The following EPHA2 variants were observed in gnomAD, a reference collection of about 807,000 sequenced individuals.
EPHA2 encodes the protein EPH receptor A2, also known as ephrin type-A receptor 2.
EPHA2 carries 54 observed loss-of-function variants against 104.9 expected under a neutral mutation model. The ratio of observed to expected loss-of-function variants is 0.51; its 90% CI spans 0.41 to 0.65. The LOEUF (loss-of-function observed/expected upper bound fraction) is 0.65. Among genes scored for constraint, EPHA2 ranks in the 30% least tolerant of loss-of-function variants. The pLI is 0.00. For missense variants in EPHA2, 1,117 were observed against 1,369.5 expected, an observed-to-expected ratio of 0.82 and a Z score of 2.91; for synonymous variants, 560 against 559.1, an observed-to-expected ratio of 1.00 and a Z score of -0.02.
chr1:16,127,657 A>G (rs754513448), intron 16 of EPHA2, among the ~76,000 whole-genome samples: 3 of 152,190 alleles, frequency 2.0e-5, no homozygotes, highest in Non-Finnish European at 4.4e-5. Flanking sequence ...AAGTCCTTTG[A>G]GATCCCCATT....
chr1:16,135,085 C>T lies in EPHA2; in HGVS notation c.1533G>A (p.Thr511=), dbSNP rs550085875. The T allele has an allele frequency of 1.0e-4, 162 of 1,613,804 alleles. No individual in the cohort carries two copies. The highest frequency in any genetic ancestry group is 1.8e-4 in the Admixed American group (11 of 60,030). The change falls in exon 7 of 17, where the codon ACG becomes ACA. Residue 511 remains threonine, a synonymous_variant. Transcript: ENST00000358432. This position sits in a 1 kb window ranked among gnomAD's most constrained non-coding sequence, Gnocchi z 4.3. ...TGCTGCCGGCCCCCTGGCCCTCCTG[C>T]GTCAGTGCCTGCACCTGGACCAGGT... ...TTYLVQVQAL[T]QEGQGAGSKV... is the part of the protein sequence containing the mutation.
At chr1:16,155,803 C>T in intron 1 of EPHA2, 45 bp downstream of exon 1, 1 of 1,336,238 alleles carries the variant, frequency 7.5e-7, no homozygotes, top group Non-Finnish European at 9.6e-7. Context: ...CTCTAGGGGG[C>T]ACTGGGGCCC....
intron 15 of EPHA2, 80 bp from the exon 16 acceptor site, chr1:16,129,669 G>A (rs2024538232): frequency 2.7e-6 from 4 of 1,507,886 alleles, no homozygotes; most frequent in Admixed American, 2.0e-5. Flanking sequence ...CCCTAACCTG[G>A]ATGATTGACT....
At chr1:16,143,017 G>GGATAGA (rs1557511837) in intron 3 of EPHA2, among the ~76,000 whole-genome samples, 1 of 54,744 alleles carries the variant, frequency 1.8e-5, no homozygotes, top group Non-Finnish European at 4.1e-5. Context: ...GGATGGATGG[G>GGATAGA]TGGATAGGTG....
intron 3 of EPHA2, among the ~76,000 whole-genome samples, chr1:16,145,518 G>A (rs2024916939): frequency 6.6e-6 from 1 of 152,118 alleles, no homozygotes; most frequent in Admixed American, 6.5e-5. Flanking sequence ...CCTCGCTCTG[G>A]GTCTGGTTTG....
At chr1:16,146,980 G>A (rs187380037) in intron 3 of EPHA2, among the ~76,000 whole-genome samples, 3 of 152,324 alleles carry the variant, frequency 2.0e-5, no homozygotes, top group Admixed American at 1.3e-4. Context: ...ATTCCTTAAC[G>A]TCCCGCTTAT....
In EPHA2 at chr1:16,131,625, C is replaced by T. The variant is rs1453743546; in HGVS notation, c.2475+96G>A. On this transcript the variant is annotated intron_variant, in intron 14 of 16. Coordinates refer to ENST00000358432, the MANE Select transcript of EPHA2 (RefSeq NM_004431.5). The surrounding 1 kb of genome is among the most constrained non-coding windows in gnomAD (Gnocchi z 5.2). ...TTTATGGAGCAAGCCTAAGAAGGTT[C>T]ATCTAAACTGTCCTCTGCCCAGCCC... 1 of 1,534,086 alleles carries T rather than the reference C, an allele frequency of 6.5e-7. No homozygotes were observed. Among genetic ancestry groups the T allele is most frequent in the Non-Finnish European group, 9.0e-7 (1 of 1,116,248 alleles).
rs2024647594 is a variant in EPHA2, at chr1:16,134,705, C to T, written c.1583-138G>A. 2 of 958,346 alleles carry T rather than the reference C, an allele frequency of 2.1e-6. No homozygotes were observed. The highest frequency in any genetic ancestry group is 3.3e-6 in the Non-Finnish European group (2 of 609,578). 59.4% of individuals were successfully genotyped at this position (958,346 alleles called of 1,614,324 possible). A position where few individuals can be genotyped will look rare whatever the true frequency, so the allele number is the denominator to read the frequency against. On this transcript the variant is annotated intron_variant, in intron 7 of 16. Coordinates refer to ENST00000358432, the MANE Select transcript of EPHA2 (RefSeq NM_004431.5). The surrounding 1 kb of genome is among the most constrained non-coding windows in gnomAD (Gnocchi z 4.5). ...GAAGGCTCCAGAGGGTACTTAGTCC[C>T]ATTTCATAGACGGTCAAGCGGAGGC...
chr1:16,139,806 C>G (rs1023697159), intron 3 of EPHA2, among the ~76,000 whole-genome samples: 2 of 152,136 alleles, frequency 1.3e-5, no homozygotes, highest in African/African-American at 4.8e-5. Context: ...CCTTCAATGC[C>G]AGGCCAAGAA....
At chr1:16,133,649 C>T (rs958170162) in intron 9 of EPHA2, 43 bp from the exon 10 acceptor site, 8 of 1,612,158 alleles carry the variant, frequency 5.0e-6, no homozygotes, top group Non-Finnish European at 6.8e-6. Flanking sequence ...TCAGGAGGGG[C>T]CCCATGGGGG....
rs1446797339 is a variant in EPHA2 at position 16,148,853 on chromosome 1, C to T, written c.348G>A (p.Lys116=). The T allele has an allele frequency of 1.9e-6, 3 of 1,614,046 alleles. No individual in the cohort carries two copies. Among genetic ancestry groups the T allele is most frequent in the Non-Finnish European group, 2.5e-6 (3 of 1,180,050 alleles). ...CGGCATAGTAGAGGTTGAAAGTCTC[C>T]TTGCAGGAGCTGGCGCCACCAGGGA... is the stretch of plus-strand genomic sequence containing the variant. ...NSFPGGASSC[K]ETFNLYYAES... Residue 116 remains lysine (K), a synonymous_variant, in exon 3 of 17, where the codon AAG becomes AAA. Coordinates refer to ENST00000358432, the MANE Select transcript of EPHA2 (RefSeq NM_004431.5). The surrounding 1 kb of genome is among the most constrained non-coding windows in gnomAD (Gnocchi z 4.9).
rs2024544490 is a variant in EPHA2 at position 16,130,115 on chromosome 1, C to T, written c.2669+111G>A. 1 of 1,439,180 alleles carries T rather than the reference C, an allele frequency of 6.9e-7. No homozygotes were observed. The highest frequency in any genetic ancestry group is 9.7e-7 in the Non-Finnish European group (1 of 1,033,996). 89.2% of individuals were successfully genotyped at this position (1,439,180 alleles called of 1,614,324 possible). On this transcript the variant is annotated intron_variant, in intron 15 of 16. Transcript: ENST00000358432. The surrounding 1 kb of genome is among the most constrained non-coding windows in gnomAD (Gnocchi z 4.5). ...GTCAAGTCCACACATAACCTCTTAG[C>T]CCCCAGCACCCCCCCTACCAGCTTC...
rs986492956 is a variant in EPHA2 at position 16,131,121 on chromosome 1, G to GAC, written c.2475+598_2475+599dup. Among the ~76,000 whole-genome samples the GAC allele has an allele frequency of 6.6e-5, 10 of 151,808 alleles. No individual in the cohort carries two copies. Among genetic ancestry groups the GAC allele is most frequent in the South Asian group, 4.2e-4 (2 of 4,816 alleles). On this transcript the variant is annotated intron_variant, in intron 14 of 16. Transcript: ENST00000358432. This position sits in a 1 kb window ranked among gnomAD's most constrained non-coding sequence, Gnocchi z 5.2. ...GGCTGAGAGAGGCACCAAGCACACA[G>GAC]ACACACACACACATGCATGCATGCA...
Position 16,148,891 on chromosome 1 carries a change from C to CA in EPHA2, c.309dup (p.Asp104Ter). On this transcript the variant is annotated frameshift_variant, in exon 3 of 17. Coordinates refer to ENST00000358432, the MANE Select transcript of EPHA2 (RefSeq NM_004431.5). LOFTEE classifies it high-confidence loss of function. This position sits in a 1 kb window ranked among gnomAD's most constrained non-coding sequence, Gnocchi z 4.9. ...GCGCCACCAGGGAAGCTGTTGCAGT[C>CA]ACGTACAGTAAACTTGAGCTCAATG... is the stretch of plus-strand genomic sequence containing the variant. 1 of 1,614,142 alleles carries CA rather than the reference C, an allele frequency of 6.2e-7. No homozygotes were observed. Among genetic ancestry groups the CA allele is most frequent in the Non-Finnish European group, 8.5e-7 (1 of 1,180,050 alleles).
chr1:16,140,218 C>T (rs1427844156), intron 3 of EPHA2, among the ~76,000 whole-genome samples: 1 of 152,194 alleles, frequency 6.6e-6, no homozygotes, highest in Non-Finnish European at 1.5e-5. Flanking sequence ...GGCCCAGGGA[C>T]CACACAAACA....
chr1:16,137,491 C>G (rs1303277273), intron 5 of EPHA2, among the ~76,000 whole-genome samples: 10 of 151,922 alleles, frequency 6.6e-5, no homozygotes, highest in African/African-American at 2.4e-4. Context: ...CCAGCTACTC[C>G]AGAGGCTGAG....
chr1:16,134,330 A>T lies in EPHA2; in HGVS notation c.1682+138T>A. Reference sequence around the variant, plus strand: ...CTTCGCTACACACTCTAACTCGTATATCCTCGCACCATCCGGAGGCAGGGA... The same window carrying T: ...CTTCGCTACACACTCTAACTCGTATTTCCTCGCACCATCCGGAGGCAGGGA... On this transcript the variant is annotated intron_variant, in intron 8 of 16. Transcript: ENST00000358432. The surrounding 1 kb of genome is among the most constrained non-coding windows in gnomAD (Gnocchi z 4.5). 2.0e-6 allele frequency: 2 copies of T among 989,834 alleles called. No homozygotes were observed. Among genetic ancestry groups the T allele is most frequent in the Non-Finnish European group, 3.1e-6 (2 of 637,402 alleles). The allele number at this position is 989,834 out of a possible 1,614,324, so 61.3% of individuals were successfully genotyped here. A position where few individuals can be genotyped will look rare whatever the true frequency, so the allele number is the denominator to read the frequency against.
In EPHA2 at chr1:16,147,961, T is replaced by C. The variant is rs1167497858; in HGVS notation, c.823+417A>G. On this transcript the variant is annotated intron_variant, in intron 3 of 16. Transcript: ENST00000358432. ...ATCTCAGCTTACTGCATCCTCCACC[T>C]CCCGGGTTCAAGCAATTGATTCTCG... Among the ~76,000 whole-genome samples, 4 of 150,964 alleles carry C rather than the reference T, an allele frequency of 2.6e-5. No homozygotes were observed. The East Asian group carries it at 7.8e-4, about 29-fold the overall frequency.
At chr1:16,152,861 CT>C (rs1392458372) in intron 1 of EPHA2, among the ~76,000 whole-genome samples, 2 of 152,332 alleles carry the variant, frequency 1.3e-5, no homozygotes, top group South Asian at 2.1e-4. Flanking sequence ...GGAGCCCCCC[CT>C]GCAGGGGTTT....
Sources: gnomAD v4.1 joint callset for allele counts (sites outside exome capture counted in the v4.1 genomes callset) on GRCh38, gnomAD v4.1.1 for gene constraint, Gnocchi (gnomAD v3.1) non-coding constraint, MANE v1.5 for transcripts, NCBI Gene and HGNC (gene_info 2026-07-23, HGNC 2026-07-21) for gene names.